DAP: variants seen among roughly 807,000 people sequenced by gnomAD.
DAP encodes death associated protein, also known as death-associated protein 1.
Under a neutral mutation model 13.8 loss-of-function variants are expected in DAP, and 8 were observed. The observed-to-expected ratio is 0.58, with a 90% CI of 0.34 to 1.05. DAP has a LOEUF of 1.05. DAP is among the 50% of genes least tolerant of loss of function. DAP has a pLI of 0.03. For missense variants in DAP, 106 were observed against 133.2 expected (o/e 0.80, Z 1.01); for synonymous variants, 47 against 47.5 (o/e 0.99, Z 0.04).
chr5:10,760,520 G>A (rs1208304857), intron 1 of DAP, among the ~76,000 whole-genome samples: 2 of 152,204 alleles, frequency 1.3e-5, no homozygotes, highest in African/African-American at 2.4e-5. Context: ...GGCGGTGAAA[G>A]TCATATTGAG....
chr5:10,708,865 A>AT (rs1271971183), intron 2 of DAP, among the ~76,000 whole-genome samples: 1 of 152,192 alleles, frequency 6.6e-6, no homozygotes, highest in East Asian at 1.9e-4. Flanking sequence ...TGGGTGAGTG[A>AT]TTTTTCTGAC....
chr5:10,758,266 C>G (rs267931), intron 1 of DAP, among the ~76,000 whole-genome samples: 76,183 of 150,948 alleles, frequency 0.5, 21,433 homozygotes, highest in Non-Finnish European at 0.64. Flanking sequence ...CTGGCAATGC[C>G]AGACTAAACA....
intron 2 of DAP, among the ~76,000 whole-genome samples, chr5:10,723,658 T>C (rs1168766858): frequency 2.0e-5 from 3 of 152,194 alleles, no homozygotes; most frequent in Non-Finnish European, 2.9e-5. Flanking sequence ...AGTCACTAAT[T>C]AACACATAGC....
chr5:10,706,944 A>G lies in DAP; in HGVS notation c.153-23373T>C, dbSNP rs111827400. On this transcript the variant is annotated intron_variant, in intron 2 of 3. Coordinates refer to ENST00000230895, the MANE Select transcript of DAP (RefSeq NM_004394.3). ...TCCTGTGTCCTCCCCTAATTAGGTA[A>G]CCTGGTCACGCGCTTCCTCCTTTCT... 5.6e-3 allele frequency among the ~76,000 whole-genome samples: 847 copies of G among 152,278 alleles called. 8 individuals carry two copies. Among genetic ancestry groups the G allele is most frequent in the Admixed American group, 6.9e-3 (106 of 15,306 alleles).
intron 2 of DAP, among the ~76,000 whole-genome samples, chr5:10,743,606 T>G (rs1436907071): frequency 6.6e-6 from 1 of 152,232 alleles, no homozygotes; most frequent in Non-Finnish European, 1.5e-5. Flanking sequence ...CAGCAAATGT[T>G]TGACATTAAA....
intron 1 of DAP, among the ~76,000 whole-genome samples, chr5:10,760,196 A>G (rs1454136903): frequency 3.9e-5 from 6 of 152,182 alleles, no homozygotes; most frequent in African/African-American, 1.2e-4. Context: ...GCATCCATAC[A>G]TTGAAGTGAC....
intron 2 of DAP, among the ~76,000 whole-genome samples, chr5:10,736,363 G>A (rs1739611438): frequency 6.6e-6 from 1 of 152,208 alleles, no homozygotes; most frequent in South Asian, 2.1e-4. Context: ...AACCTGGGTG[G>A]AGATGAGAAT....
chr5:10,709,115 T>A (rs1328370587), intron 2 of DAP, among the ~76,000 whole-genome samples: 1 of 152,254 alleles, frequency 6.6e-6, no homozygotes, highest in South Asian at 2.1e-4. Context: ...GGCTTGATCA[T>A]GAAAGTACCA....
At chr5:10,727,315 G>A (rs1739313532) in intron 2 of DAP, among the ~76,000 whole-genome samples, 1 of 152,164 alleles carries the variant, frequency 6.6e-6, no homozygotes, top group African/African-American at 2.4e-5. Flanking sequence ...AGTGTCATGA[G>A]AGGGGAAGTC....
chr5:10,696,137 T>C (rs1199475908), intron 2 of DAP, among the ~76,000 whole-genome samples: 5 of 152,326 alleles, frequency 3.3e-5, no homozygotes, highest in Admixed American at 3.3e-4. Flanking sequence ...TTCCCTATTG[T>C]ACCCCTTTCC....
At chr5:10,743,793 G>A (rs1739829282) in intron 2 of DAP, among the ~76,000 whole-genome samples, 1 of 152,146 alleles carries the variant, frequency 6.6e-6, no homozygotes, top group African/African-American at 2.4e-5. Context: ...GAAAGTATTA[G>A]CTAATAATAA....
At chr5:10,701,590 G>A (rs187734062) in intron 2 of DAP, among the ~76,000 whole-genome samples, 60 of 147,654 alleles carry the variant, frequency 4.1e-4, no homozygotes, top group Middle Eastern at 7.0e-3. Context: ...AAATAAAAAG[G>A]TTGAGGGGGA....
intron 2 of DAP, among the ~76,000 whole-genome samples, chr5:10,730,336 G>A (rs1739409604): frequency 2.0e-5 from 3 of 152,242 alleles, no homozygotes; most frequent in Non-Finnish European, 4.4e-5. Context: ...GCTAAGGGCT[G>A]CTGCTGAAAA....
chr5:10,699,995 G>A (rs552103459), intron 2 of DAP, among the ~76,000 whole-genome samples: 1 of 152,332 alleles, frequency 6.6e-6, no homozygotes, highest in Admixed American at 6.5e-5. Flanking sequence ...AGCAAGCTGC[G>A]ACCCTGAGGG....
rs57690941 is a variant in DAP at position 10,705,476 on chromosome 5, C to G, written c.153-21905G>C. Among the ~76,000 whole-genome samples, 469 of 152,378 alleles carry G rather than the reference C, an allele frequency of 3.1e-3. 1 individual carries two copies. The highest frequency in any genetic ancestry group is 0.011 in the African/African-American group (444 of 41,602). ...AGTCTGTGTGGCAGAAGCCTGGGCT[C>G]TCTCCACTGCTGTGTGAGAACAAGG... On this transcript the variant is annotated intron_variant, in intron 2 of 3. Coordinates refer to ENST00000230895, the MANE Select transcript of DAP (RefSeq NM_004394.3).
chr5:10,728,366 T>G, intron 2 of DAP, among the ~76,000 whole-genome samples: 1 of 152,218 alleles, frequency 6.6e-6, no homozygotes, highest in Middle Eastern at 3.2e-3. Context: ...TTTAGAAACC[T>G]TAAGTGTGGA....
chr5:10,689,784 G>T (rs1229203057), intron 2 of DAP, among the ~76,000 whole-genome samples: 1 of 152,142 alleles, frequency 6.6e-6, no homozygotes, highest in African/African-American at 2.4e-5. Flanking sequence ...GTCTGATGCC[G>T]CAGTCAAAGG....
chr5:10,683,596 A>G, intron 2 of DAP, 25 bp from the exon 3 acceptor site: 1 of 1,612,588 alleles, frequency 6.2e-7, no homozygotes, highest in Non-Finnish European at 8.5e-7. Flanking sequence ...GGGAAAAGGC[A>G]GATTTAACAA....
At chr5:10,755,991 T>C (rs1338011785) in intron 1 of DAP, among the ~76,000 whole-genome samples, 3 of 152,162 alleles carry the variant, frequency 2.0e-5, no homozygotes, top group African/African-American at 7.2e-5. Context: ...CTACACAAAA[T>C]ACACAAATTA....
Sources: gnomAD v4.1 joint callset for allele counts (sites outside exome capture counted in the v4.1 genomes callset) on GRCh38, gnomAD v4.1.1 for gene constraint, MANE v1.5 for transcripts, NCBI Gene and HGNC (gene_info 2026-07-23, HGNC 2026-07-21) for gene names.